The following MYO9B variants were observed in gnomAD, a reference collection of about 807,000 sequenced individuals.
MYO9B encodes unconventional myosin-IXb.
Under a neutral mutation model 229.5 loss-of-function variants are expected in MYO9B, and 71 were observed. The ratio of observed to expected loss-of-function variants is 0.31; its 90% CI spans 0.26 to 0.38. MYO9B has a LOEUF of 0.38. MYO9B is among the 10% of genes least tolerant of loss of function. MYO9B has a pLI of 1.00. For missense variants in MYO9B, 2,255 were observed against 2,920.5 expected, an observed-to-expected ratio of 0.77 and a Z score of 5.25; for synonymous variants, 1,185 against 1,235.8, an observed-to-expected ratio of 0.96 and a Z score of 0.86.
chr19:17,093,686 CGGGGGGTG>C (rs1568656548), intron 1 of MYO9B, among the ~76,000 whole-genome samples: 15 of 98,608 alleles, frequency 1.5e-4, no homozygotes, highest in Admixed American at 1.1e-3. Context: ...AGTTTTTTTG[CGGGGGGTG>C]GGGGGGGGGG....
rs1357440094 is a variant in MYO9B, at chr19:17,193,218, C to G, written c.3128+156C>G. Among the ~76,000 whole-genome samples the G allele has an allele frequency of 1.3e-5, 2 of 152,256 alleles. No individual in the cohort carries two copies. The highest frequency in any genetic ancestry group is 2.4e-5 in the African/African-American group (1 of 41,454). On this transcript the variant is annotated intron_variant, in intron 21 of 39. Coordinates refer to ENST00000682292, the MANE Select transcript of MYO9B (RefSeq NM_004145.4). This position sits in a 1 kb window ranked among gnomAD's most constrained non-coding sequence, Gnocchi z 4.3. ...TGGTGGGAAACCAGATGCCTAGGCA[C>G]TCATGGGCTGCAGAGAAGTGCTCCA...
intron 8 of MYO9B, among the ~76,000 whole-genome samples, chr19:17,160,133 A>G (rs1429173274): frequency 6.6e-6 from 1 of 152,174 alleles, no homozygotes; most frequent in Admixed American, 6.6e-5. Context: ...CAGCTTGTTT[A>G]ACAATAGGAA....
At chr19:17,125,434 C>G (rs141405254) in intron 2 of MYO9B, among the ~76,000 whole-genome samples, 1 of 152,044 alleles carries the variant, frequency 6.6e-6, no homozygotes, top group Non-Finnish European at 1.5e-5. Context: ...TTTCTGTGAC[C>G]TAGTACGTGG....
At chr19:17,112,805 C>A (rs2057861219) in intron 2 of MYO9B, among the ~76,000 whole-genome samples, 1 of 152,236 alleles carries the variant, frequency 6.6e-6, no homozygotes, top group Admixed American at 6.5e-5. Context: ...CAGGGACAGA[C>A]AGCAAGCTGG....
chr19:17,080,452 T>A (rs1477925734), intron 1 of MYO9B, among the ~76,000 whole-genome samples: 2 of 152,166 alleles, frequency 1.3e-5, no homozygotes, highest in Non-Finnish European at 2.9e-5. Context: ...TTCCCCTGGG[T>A]CTTCACATCG....
chr19:17,125,593 C>T (rs994838262), intron 2 of MYO9B, among the ~76,000 whole-genome samples: 17 of 152,130 alleles, frequency 1.1e-4, no homozygotes, highest in African/African-American at 4.1e-4. Flanking sequence ...AGGAGTCTGT[C>T]CTTAAAGGGC....
Position 17,192,897 on chromosome 19 carries a change from C to T in MYO9B, c.2963C>T (p.Ala988Val). The part of the protein sequence containing the change: ...QMKRAAVTIQ[A>V]CWRSYRVRRA... ...AAGCGGGCCGCCGTCACCATCCAGG[C>T]CTGCTGGCGGTCCTACCGGGTCCGG... Residue 988 changes from alanine to valine, a missense_variant, in exon 21 of 40, where the codon GCC becomes GTC. This residue lies in a region of MYO9B where 679 missense variants were observed against 770.2 expected (regional missense o/e 0.88). Coordinates refer to ENST00000682292, the MANE Select transcript of MYO9B (RefSeq NM_004145.4). 6.5e-7 allele frequency: 1 copy of T among 1,550,334 alleles called. No homozygotes were observed. Among genetic ancestry groups the T allele is most frequent in the Non-Finnish European group, 8.7e-7 (1 of 1,147,080 alleles).
At chr19:17,190,637 C>T (rs370652902) in intron 19 of MYO9B, among the ~76,000 whole-genome samples, 1 of 108,962 alleles carries the variant, frequency 9.2e-6, no homozygotes, top group African/African-American at 3.2e-5. Context: ...GACCCCGTCT[C>T]AAAAAAAAAA....
chr19:17,207,377 A>C, intron 35 of MYO9B, 133 bp downstream of exon 35: 9 of 1,270,544 alleles, frequency 7.1e-6, no homozygotes, highest in Non-Finnish European at 9.6e-6. Context: ...CACACCTGTA[A>C]TCCTAGCTAC....
At chr19:17,076,623 C>A (rs529948421) in intron 1 of MYO9B, among the ~76,000 whole-genome samples, 3 of 152,130 alleles carry the variant, frequency 2.0e-5, no homozygotes, top group Non-Finnish European at 4.4e-5. Flanking sequence ...CTCCTGACTT[C>A]ACACTTAACA....
rs866358367 is a variant in MYO9B, at chr19:17,203,246, C to T, written c.4978C>T (p.Leu1660=). 2.6e-6 allele frequency: 4 copies of T among 1,557,048 alleles called. No homozygotes were observed. In the South Asian group the frequency reaches 4.7e-5, roughly 18 times the overall value. Residue 1660 remains leucine (L), a synonymous_variant, in exon 30 of 40, where the codon CTG becomes TTG. Coordinates refer to ENST00000682292, the MANE Select transcript of MYO9B (RefSeq NM_004145.4). Reference sequence around the variant, plus strand: ...CTATATCTGGCTCATGGACAAGGCCCTGCTCTGCAGCGGTGAGTGGCTCCC... The same window carrying T: ...CTATATCTGGCTCATGGACAAGGCCTTGCTCTGCAGCGGTGAGTGGCTCCC... ...LSYIWLMDKA[L]LCSVCKMTCH...
chr19:17,192,875 C>T lies in MYO9B; in HGVS notation c.2941C>T (p.Arg981Trp), dbSNP rs781608042. ...GCGTCGGCACTTCCTGCAGATGAAGCGGGCCGCCGTCACCATCCAGGCCTG... is the reference window on the plus strand; with the variant it reads ...GCGTCGGCACTTCCTGCAGATGAAGTGGGCCGCCGTCACCATCCAGGCCTG... ...LERRHFLQMK[R>W]AAVTIQACWR... The change falls in exon 21 of 40, where the codon CGG becomes TGG. Residue 981 changes from arginine (R) to tryptophan (W), a missense_variant. Coordinates refer to ENST00000682292, the MANE Select transcript of MYO9B (RefSeq NM_004145.4). 6.5e-6 allele frequency: 10 copies of T among 1,550,322 alleles called. No homozygotes were observed. In the African/African-American group the frequency reaches 8.2e-5, roughly 13 times the overall value.
intron 10 of MYO9B, 86 bp downstream of exon 10, chr19:17,163,208 T>C (rs2072623275): frequency 7.0e-7 from 1 of 1,422,952 alleles, no homozygotes; most frequent in African/African-American, 1.4e-5. Flanking sequence ...TTTGTAAATA[T>C]TCAGTTCAGC....
chr19:17,109,037 TTTATTTA>T (rs2057821473), intron 2 of MYO9B, among the ~76,000 whole-genome samples: 1 of 20,896 alleles, frequency 4.8e-5, no homozygotes, highest in Non-Finnish European at 1.4e-4. Flanking sequence ...TTTAATTTTA[TTTATTTA>T]TTTATTTATT....
chr19:17,166,379 AT>A (rs147200125), intron 10 of MYO9B, among the ~76,000 whole-genome samples: 1 of 152,136 alleles, frequency 6.6e-6, no homozygotes, highest in African/African-American at 2.4e-5. Flanking sequence ...TGTGATCAGT[AT>A]TTAAGAATGT....
At chr19:17,145,085 C>T (rs1243179142) in intron 2 of MYO9B, among the ~76,000 whole-genome samples, 6 of 151,926 alleles carry the variant, frequency 3.9e-5, no homozygotes. Context: ...CTACGTCAGC[C>T]TGGACAACAT....
chr19:17,185,191 C>G (rs1435663433), intron 17 of MYO9B, among the ~76,000 whole-genome samples: 1 of 152,008 alleles, frequency 6.6e-6, no homozygotes, highest in Non-Finnish European at 1.5e-5. Context: ...CTTGCTAACA[C>G]GGTGAAACCC....
chr19:17,160,926 T>C (rs2072593894), intron 8 of MYO9B, among the ~76,000 whole-genome samples: 1 of 152,104 alleles, frequency 6.6e-6, no homozygotes, highest in South Asian at 2.1e-4. Flanking sequence ...CTTGAACTCC[T>C]GACCTCAGGT....
chr19:17,201,405 G>A (rs2145491344), intron 26 of MYO9B, among the ~76,000 whole-genome samples: 1 of 152,262 alleles, frequency 6.6e-6, no homozygotes, highest in Admixed American at 6.5e-5. Context: ...TGCACAGCGG[G>A]CACAGGGGGC....
Sources: gnomAD v4.1 joint callset for allele counts (sites outside exome capture counted in the v4.1 genomes callset) on GRCh38, gnomAD v4.1.1 for gene constraint, gnomAD v4.1.1 regional missense constraint, Gnocchi (gnomAD v3.1) non-coding constraint, MANE v1.5 for transcripts, NCBI Gene and HGNC (gene_info 2026-07-23, HGNC 2026-07-21) for gene names.